Variants in ADAM9 observed in about 807,000 individuals in gnomAD.
The protein encoded by ADAM9 is ADAM metallopeptidase domain 9, also known as disintegrin and metalloproteinase domain-containing protein 9.
ADAM9 carries 54 observed loss-of-function variants against 108.1 expected under a neutral mutation model. The ratio of observed to expected loss-of-function variants is 0.50; its 90% confidence interval spans 0.40 to 0.63. The LOEUF is 0.63. ADAM9 is among the 20% of genes least tolerant of loss of function. The probability of loss-of-function intolerance (pLI) is 0.00; values close to 1 mark genes in which losing one functional copy is unlikely to be tolerated. For missense variants in ADAM9, 830 were observed against 997.7 expected (o/e 0.83, Z 2.26); for synonymous variants, 316 against 336.0 (o/e 0.94, Z 0.65).
At chr8:39,023,740 GTTTTTTTTTTTT>G (rs869059346) in intron 9 of ADAM9, among the ~76,000 whole-genome samples, 6 of 78,906 alleles carry the variant, frequency 7.6e-5, no homozygotes, top group South Asian at 4.6e-4. Flanking sequence ...TTTTGCGTTT[GTTTTTTTTTTTT>G]TTTTTTTTTT....
chr8:39,062,806 C>G (rs1838338674), intron 14 of ADAM9, among the ~76,000 whole-genome samples: 1 of 152,166 alleles, frequency 6.6e-6, no homozygotes, highest in African/African-American at 2.4e-5. Context: ...TTCTTACAGT[C>G]TTGGTGAAAG....
intron 14 of ADAM9, among the ~76,000 whole-genome samples, chr8:39,058,952 T>C (rs996712176): frequency 2.0e-5 from 3 of 152,182 alleles, no homozygotes; most frequent in Non-Finnish European, 2.9e-5. Context: ...TTGGAGAACC[T>C]TGCCCCAGCA....
intron 12 of ADAM9, among the ~76,000 whole-genome samples, chr8:39,046,395 A>G (rs569463319): frequency 6.6e-6 from 1 of 152,218 alleles, no homozygotes; most frequent in South Asian, 2.1e-4. Context: ...TATATGTATG[A>G]TCATGTCATC....
chr8:39,059,383 T>C (rs1213722281), intron 14 of ADAM9, among the ~76,000 whole-genome samples: 1 of 150,668 alleles, frequency 6.6e-6, no homozygotes, highest in African/African-American at 2.5e-5. Context: ...GGACTCAGGA[T>C]TGGACTTTGC....
Position 39,040,525 on chromosome 8 carries a change from C to T in ADAM9, c.1131-1421C>T, listed in dbSNP as rs117540209. Among the ~76,000 whole-genome samples, 64 of 152,114 alleles carry T rather than the reference C, an allele frequency of 4.2e-4. No individual in the cohort carries two copies. The East Asian group carries it at 0.01, about 24-fold the overall frequency. On this transcript the variant is annotated intron_variant, in intron 11 of 21. Transcript: ENST00000487273. The stretch of plus-strand genomic sequence containing the variant: ...TAAGTCTTTTGTTCATTTTAAAAAT[C>T]GAGTTATTTGTTTTTCTACTATGGA...
At chr8:39,068,440 C>T (rs144830398) in intron 14 of ADAM9, among the ~76,000 whole-genome samples, 5 of 151,848 alleles carry the variant, frequency 3.3e-5, no homozygotes, top group East Asian at 1.9e-4. Flanking sequence ...TTTGGGAGGC[C>T]GAGGCATGTG....
chr8:39,056,546 ATAGT>A (rs554187349), intron 14 of ADAM9, among the ~76,000 whole-genome samples: 107 of 152,026 alleles, frequency 7.0e-4, no homozygotes, highest in Non-Finnish European at 1.4e-3. Flanking sequence ...CATCCTCCCA[ATAGT>A]TAGGGCAGTG....
Position 38,997,282 on chromosome 8 carries a change from G to A in ADAM9, c.97+122G>A. 12 of 1,182,928 alleles carry A rather than the reference G, an allele frequency of 1.0e-5. No individual in the cohort carries two copies. In the South Asian group the frequency reaches 1.4e-4, roughly 13 times the overall value. The allele number at this position is 1,182,928 out of a possible 1,614,324, so 73.3% of individuals were successfully genotyped here. ...CTGGGGATCGGACCCGGGGTCGGGG[G>A]GCGCGGCCGCTCCAGGTGTGTGCGG... On this transcript the variant is annotated intron_variant, in intron 1 of 21. Coordinates refer to ENST00000487273, the MANE Select transcript of ADAM9 (RefSeq NM_003816.3).
At chr8:39,072,839 G>A (rs767260801) in intron 15 of ADAM9, among the ~76,000 whole-genome samples, 7 of 152,214 alleles carry the variant, frequency 4.6e-5, no homozygotes, top group Non-Finnish European at 1.0e-4. Flanking sequence ...TTATTTTTTA[G>A]TTCATAGTAT....
At chr8:39,061,532 T>C (rs187618961) in intron 14 of ADAM9, among the ~76,000 whole-genome samples, 11 of 152,334 alleles carry the variant, frequency 7.2e-5, no homozygotes, top group African/African-American at 2.2e-4. Context: ...CAGTGCACAG[T>C]GTCTTAGTCT....
chr8:39,091,623 A>T (rs1278189471), intron 20 of ADAM9, among the ~76,000 whole-genome samples: 1 of 152,050 alleles, frequency 6.6e-6, no homozygotes, highest in Non-Finnish European at 1.5e-5. Flanking sequence ...AGTAGCTGGG[A>T]TTACAGGTGT....
At chr8:39,054,241 T>C (rs1838043527) in intron 12 of ADAM9, among the ~76,000 whole-genome samples, 1 of 152,184 alleles carries the variant, frequency 6.6e-6, no homozygotes, top group African/African-American at 2.4e-5. Flanking sequence ...GTTATGGCAT[T>C]CTGAGCAGAC....
chr8:39,048,902 G>C (rs554900869), intron 12 of ADAM9, among the ~76,000 whole-genome samples: 1 of 150,520 alleles, frequency 6.6e-6, no homozygotes, highest in South Asian at 2.1e-4. Context: ...CCTGCTCTCT[G>C]TGGTTACCAT....
At chr8:39,046,372 CTT>C (rs1837774709) in intron 12 of ADAM9, among the ~76,000 whole-genome samples, 1 of 152,038 alleles carries the variant, frequency 6.6e-6, no homozygotes, top group African/African-American at 2.4e-5. Flanking sequence ...TTGATGGACT[CTT>C]TGGGATTTTC....
At chr8:39,094,503 GTTC>G (rs1419894050) in intron 20 of ADAM9, among the ~76,000 whole-genome samples, 2 of 152,130 alleles carry the variant, frequency 1.3e-5, no homozygotes, top group African/African-American at 4.8e-5. Flanking sequence ...GATTGCATTA[GTTC>G]TTCTTTAAAT....
chr8:39,092,684 A>G (rs2129443260), intron 20 of ADAM9, among the ~76,000 whole-genome samples: 1 of 151,802 alleles, frequency 6.6e-6, no homozygotes, highest in East Asian at 1.9e-4. Flanking sequence ...TTACATGTAC[A>G]GTGCAGTACT....
chr8:39,010,410 A>C (rs1238423094), intron 2 of ADAM9, among the ~76,000 whole-genome samples: 1 of 152,154 alleles, frequency 6.6e-6, no homozygotes, highest in African/African-American at 2.4e-5. Flanking sequence ...GGTGGATGAC[A>C]GGATCCATAG....
intron 5 of ADAM9, 149 bp downstream of exon 5, chr8:39,016,343 G>C (rs1450225587): frequency 2.7e-6 from 2 of 734,002 alleles, no homozygotes; most frequent in African/African-American, 1.8e-5. Context: ...CTGTGTTTCA[G>C]ATATCCTTGG....
At chr8:39,090,822 C>G (rs890864167) in intron 19 of ADAM9, among the ~76,000 whole-genome samples, 8 of 152,170 alleles carry the variant, frequency 5.3e-5, no homozygotes, top group African/African-American at 1.9e-4. Flanking sequence ...TCATACATCT[C>G]CACTGCACTG....
Sources: allele counts gnomAD v4.1 joint callset (sites outside exome capture counted in the v4.1 genomes callset), GRCh38; gene constraint gnomAD v4.1.1; transcripts MANE v1.5; gene names NCBI Gene and HGNC (gene_info 2026-07-23, HGNC 2026-07-21).